CLEC16A: variants seen among roughly 807,000 people sequenced by gnomAD.
The protein encoded by CLEC16A is C-type lectin domain containing 16A, also known as protein CLEC16A.
In CLEC16A, 51 loss-of-function variants were observed where a neutral mutation model predicts 109.5. The observed-to-expected ratio is 0.47, with a 90% CI of 0.37 to 0.59. The LOEUF is 0.59. Among genes scored for constraint, CLEC16A ranks in the 20% least tolerant of loss-of-function variants. The probability of loss-of-function intolerance (pLI) is 0.00; values close to 1 mark genes in which losing one functional copy is unlikely to be tolerated. For missense variants in CLEC16A, 1,339 were observed against 1,394.0 expected (o/e 0.96, Z 0.63); for synonymous variants, 673 against 564.2 (o/e 1.19, Z -2.73).
intron 19 of CLEC16A, among the ~76,000 whole-genome samples, chr16:11,091,793 T>C (rs148587264): frequency 6.4e-4 from 97 of 152,296 alleles, no homozygotes; most frequent in African/African-American, 2.2e-3. Context: ...AGGCTGCAGA[T>C]GATCTGCTAG....
chr16:11,164,180 G>A (rs181928721), intron 22 of CLEC16A, among the ~76,000 whole-genome samples: 2 of 152,288 alleles, frequency 1.3e-5, no homozygotes, highest in African/African-American at 4.8e-5. Flanking sequence ...TCTGCGGTAG[G>A]TGCGGGCAGG....
chr16:11,165,019 A>T (rs1228710215), intron 22 of CLEC16A, among the ~76,000 whole-genome samples: 2 of 152,110 alleles, frequency 1.3e-5, no homozygotes, highest in Non-Finnish European at 2.9e-5. Flanking sequence ...CTCAGCTGGA[A>T]GGAGGACTCG....
At chr16:11,126,310 C>T (rs1201617412) in intron 22 of CLEC16A, 164 bp downstream of exon 22, 6 of 1,509,272 alleles carry the variant, frequency 4.0e-6, no homozygotes, top group Non-Finnish European at 5.3e-6. Context: ...CAAGATTAAA[C>T]ACAGCCCCCA....
chr16:10,949,632 C>G (rs1236203695), intron 1 of CLEC16A, among the ~76,000 whole-genome samples: 1 of 151,984 alleles, frequency 6.6e-6, no homozygotes, highest in African/African-American at 2.4e-5. Flanking sequence ...CCCCTGGGGC[C>G]CTGTAAATCA....
At chr16:11,158,955 T>C (rs2054626486) in intron 22 of CLEC16A, among the ~76,000 whole-genome samples, 1 of 150,712 alleles carries the variant, frequency 6.6e-6, no homozygotes, top group Non-Finnish European at 1.5e-5. Context: ...GAGACCCCTC[T>C]GGTTGCATAC....
chr16:10,948,584 C>T (rs530327036), intron 1 of CLEC16A, among the ~76,000 whole-genome samples: 19 of 152,306 alleles, frequency 1.2e-4, no homozygotes, highest in African/African-American at 4.1e-4. Flanking sequence ...TGCAAGTCTG[C>T]GGCTGGTAGA....
intron 19 of CLEC16A, chr16:11,070,986 T>C (rs564685284): frequency 6.6e-6 from 1 of 152,258 alleles, no homozygotes; most frequent in South Asian, 2.1e-4. Flanking sequence ...TCATAAAGAT[T>C]CTGCAGGATC....
Position 10,982,998 on chromosome 16 carries a change from C to T in CLEC16A, c.1071+7C>T. On this transcript the variant is annotated splice_region_variant and intron_variant, in intron 10 of 23. Transcript: ENST00000409790. ...GGATATTCAGAGAAGTTCTGTAAGT[C>T]ATTAGCTTCGGGACTGACCTTAACA... is the stretch of plus-strand genomic sequence containing the variant. 2.0e-6 allele frequency: 3 copies of T among 1,495,626 alleles called. No individual in the cohort carries two copies. The highest frequency in any genetic ancestry group is 2.8e-6 in the Non-Finnish European group (3 of 1,072,674). The allele number at this position is 1,495,626 out of a possible 1,614,324, so 92.6% of individuals were successfully genotyped here. A position where few individuals can be genotyped will look rare whatever the true frequency, so the allele number is the denominator to read the frequency against.
intron 19 of CLEC16A, among the ~76,000 whole-genome samples, chr16:11,116,483 G>C (rs1441133839): frequency 1.3e-5 from 2 of 152,110 alleles, no homozygotes; most frequent in East Asian, 3.9e-4. Context: ...TGACTTCGGG[G>C]GTCATGTGCT....
chr16:11,073,364 G>A (rs896083118), intron 19 of CLEC16A, among the ~76,000 whole-genome samples: 10 of 152,148 alleles, frequency 6.6e-5, no homozygotes, highest in African/African-American at 2.4e-4. Flanking sequence ...ACGATCGGGG[G>A]ATCATCAGCT....
chr16:10,973,887 C>CT (rs569414844), intron 7 of CLEC16A, among the ~76,000 whole-genome samples: 3,454 of 46,472 alleles, frequency 0.074, 1,337 homozygotes, highest in Non-Finnish European at 0.097. Context: ...GGGCTGCTTG[C>CT]TTTTTTTTTT....
intron 18 of CLEC16A, among the ~76,000 whole-genome samples, chr16:11,060,274 C>T (rs776847718): frequency 5.9e-5 from 9 of 152,156 alleles, no homozygotes; most frequent in East Asian, 3.9e-4. Flanking sequence ...GTCTCTGCCC[C>T]GTCAGCAGCA....
intron 10 of CLEC16A, among the ~76,000 whole-genome samples, chr16:10,985,218 A>T (rs201666966): frequency 0.031 from 3,772 of 123,190 alleles, 51 homozygotes; most frequent in African/African-American, 0.035. Flanking sequence ...AAAAAAAAAA[A>T]AAATATATAT....
intron 15 of CLEC16A, among the ~76,000 whole-genome samples, chr16:11,042,897 G>A (rs974612277): frequency 1.3e-5 from 2 of 149,060 alleles, no homozygotes; most frequent in African/African-American, 2.5e-5. Context: ...AGTATTATAA[G>A]CAAATAATTA....
At chr16:11,053,165 A>G (rs2048038373) in intron 18 of CLEC16A, among the ~76,000 whole-genome samples, 1 of 152,118 alleles carries the variant, frequency 6.6e-6, no homozygotes, top group Non-Finnish European at 1.5e-5. Context: ...TGCTGAAATT[A>G]CAGACATGTA....
At chr16:11,061,838 C>T (rs1405897622) in intron 19 of CLEC16A, among the ~76,000 whole-genome samples, 1 of 152,164 alleles carries the variant, frequency 6.6e-6, no homozygotes, top group Non-Finnish European at 1.5e-5. Flanking sequence ...TCCGGGTGCT[C>T]AGACACTGTC....
chr16:11,012,077 A>C (rs751755629), intron 11 of CLEC16A, among the ~76,000 whole-genome samples: 1 of 152,222 alleles, frequency 6.6e-6, no homozygotes, highest in Non-Finnish European at 1.5e-5. Flanking sequence ...ATAGCTGAGC[A>C]CATTAATTCC....
At chr16:11,034,514 T>TG (rs1418601891) in intron 13 of CLEC16A, among the ~76,000 whole-genome samples, 2 of 152,128 alleles carry the variant, frequency 1.3e-5, no homozygotes, top group African/African-American at 4.8e-5. Context: ...TTACTGACAC[T>TG]GTGGGGCCAC....
At chr16:11,010,546 C>A (rs1293193631) in intron 11 of CLEC16A, among the ~76,000 whole-genome samples, 1 of 152,096 alleles carries the variant, frequency 6.6e-6, no homozygotes, top group Non-Finnish European at 1.5e-5. Flanking sequence ...ATTGTATTTT[C>A]TCTGTCTGCA....
Sources: allele counts gnomAD v4.1 joint callset (sites outside exome capture counted in the v4.1 genomes callset), GRCh38; gene constraint gnomAD v4.1.1; transcripts MANE v1.5; gene names NCBI Gene and HGNC (gene_info 2026-07-23, HGNC 2026-07-21).